MTHFD1L: variants seen among roughly 807,000 people sequenced by gnomAD.
MTHFD1L encodes the protein methylenetetrahydrofolate dehydrogenase (NADP+ dependent) 1 like, also known as monofunctional C1-tetrahydrofolate synthase, mitochondrial.
A neutral mutation model predicts 119.5 loss-of-function variants in MTHFD1L; 81 were observed. That is an observed-to-expected ratio of 0.68 (90% CI 0.57 to 0.82). The LOEUF is 0.82. Ranked by LOEUF, MTHFD1L falls within the 40% of genes least tolerant of loss-of-function variation. The pLI, the probability that MTHFD1L is intolerant of heterozygous loss-of-function variation, is 0.00. For synonymous variants in MTHFD1L, 430 were observed against 475.2 expected (o/e 0.90, Z 1.24); for missense variants, 1,125 against 1,253.4 (o/e 0.90, Z 1.55).
At chr6:150,995,502 G>A (rs1205237724) in intron 20 of MTHFD1L, among the ~76,000 whole-genome samples, 3 of 111,170 alleles carry the variant, frequency 2.7e-5, no homozygotes, top group Admixed American at 2.0e-4. Context: ...CAACAAGAGC[G>A]AAACTCCGTC....
intron 8 of MTHFD1L, among the ~76,000 whole-genome samples, chr6:150,914,965 G>A (rs898543930): frequency 6.6e-6 from 1 of 152,146 alleles, no homozygotes; most frequent in South Asian, 2.1e-4. Flanking sequence ...TAACTCTTAC[G>A]GACTTACTTG....
intron 24 of MTHFD1L, among the ~76,000 whole-genome samples, chr6:151,022,674 G>T (rs958759872): frequency 6.6e-6 from 1 of 152,050 alleles, no homozygotes; most frequent in Admixed American, 6.5e-5. Context: ...ACCTCCCCCG[G>T]CTCTCCCTCC....
chr6:151,029,198 A>G (rs1784995733), intron 24 of MTHFD1L, among the ~76,000 whole-genome samples: 1 of 151,946 alleles, frequency 6.6e-6, no homozygotes, highest in South Asian at 2.1e-4. Flanking sequence ...AGGCAGGCAG[A>G]TCACCTGAGG....
chr6:150,988,616 C>T (rs1228235978), intron 20 of MTHFD1L, among the ~76,000 whole-genome samples: 3 of 131,206 alleles, frequency 2.3e-5, no homozygotes, highest in Admixed American at 8.1e-5. Context: ...GTGGGGGGGG[C>T]GGGAGCGGGG....
intron 20 of MTHFD1L, among the ~76,000 whole-genome samples, chr6:150,973,158 T>A (rs772833822): frequency 3.3e-5 from 5 of 152,246 alleles, no homozygotes; most frequent in African/African-American, 1.2e-4. Flanking sequence ...TTCACTCTTA[T>A]CATCAGCTTT....
chr6:150,961,561 A>G (rs1191868805), intron 18 of MTHFD1L, among the ~76,000 whole-genome samples: 3 of 152,380 alleles, frequency 2.0e-5, no homozygotes, highest in Admixed American at 6.5e-5. Context: ...CTTAAAATGC[A>G]CACTGGTGAT....
intron 24 of MTHFD1L, among the ~76,000 whole-genome samples, chr6:151,018,458 CTCTT>C (rs1268164221): frequency 6.6e-6 from 1 of 152,182 alleles, no homozygotes; most frequent in Non-Finnish European, 1.5e-5. Context: ...ACATGTTCAC[CTCTT>C]TGGTCCTAAC....
intron 26 of MTHFD1L, among the ~76,000 whole-genome samples, chr6:151,060,492 C>T (rs535918847): frequency 3.3e-5 from 5 of 152,288 alleles, no homozygotes; most frequent in African/African-American, 1.2e-4. Flanking sequence ...AAAGAGCTGA[C>T]GTCTGGGACA....
intron 27 of MTHFD1L, chr6:151,100,038 T>C: frequency 5.5e-6 from 3 of 549,100 alleles, no homozygotes; most frequent in Admixed American, 3.4e-5. Flanking sequence ...TCTTTTCTTT[T>C]TTTTTTTTTT....
At chr6:151,084,033 T>A (rs1345361026) in intron 26 of MTHFD1L, among the ~76,000 whole-genome samples, 2 of 152,162 alleles carry the variant, frequency 1.3e-5, no homozygotes, top group African/African-American at 4.8e-5. Context: ...AAGTTATAAA[T>A]GAGGTCCCGA....
intron 20 of MTHFD1L, among the ~76,000 whole-genome samples, chr6:150,984,591 GATAA>G (rs1212931267): frequency 1.4e-5 from 2 of 146,408 alleles, no homozygotes; most frequent in Non-Finnish European, 3.0e-5. Flanking sequence ...AAAAAAGGAA[GATAA>G]ATAAAGTAAA....
chr6:150,968,514 T>C (rs1471466092), intron 19 of MTHFD1L, among the ~76,000 whole-genome samples: 1 of 152,198 alleles, frequency 6.6e-6, no homozygotes, highest in Non-Finnish European at 1.5e-5. Context: ...TGTTTTGTTT[T>C]GTTTTGTTTT....
chr6:151,017,830 CTTTT>C (rs895364993), intron 24 of MTHFD1L, among the ~76,000 whole-genome samples: 1 of 98,980 alleles, frequency 1.0e-5, no homozygotes, highest in Admixed American at 1.1e-4. Context: ...ACCGTGTTTT[CTTTT>C]TTTTTTTTTT....
At chr6:151,029,034 G>A (rs1273425807) in intron 24 of MTHFD1L, among the ~76,000 whole-genome samples, 4 of 152,100 alleles carry the variant, frequency 2.6e-5, no homozygotes, top group African/African-American at 4.8e-5. Context: ...TCACATCACC[G>A]AACTCCAGAA....
chr6:150,935,096 G>A (rs148869633), intron 11 of MTHFD1L: 2 of 1,613,816 alleles, frequency 1.2e-6, no homozygotes, highest in Non-Finnish European at 1.7e-6. Flanking sequence ...GCAGTTCAAT[G>A]AATTTGTAAA....
intron 20 of MTHFD1L, among the ~76,000 whole-genome samples, chr6:151,005,341 A>G (rs531142240): frequency 1.3e-5 from 2 of 152,198 alleles, no homozygotes; most frequent in South Asian, 2.1e-4. Context: ...TACCTTTTCC[A>G]TGTTCTGTTT....
chr6:151,062,788 T>G (rs1364899582), intron 26 of MTHFD1L, among the ~76,000 whole-genome samples: 1 of 152,168 alleles, frequency 6.6e-6, no homozygotes, highest in African/African-American at 2.4e-5. Context: ...GATTTCATTC[T>G]TGGATGGCCT....
chr6:151,039,125 C>T lies in MTHFD1L; in HGVS notation c.2847+2008C>T, dbSNP rs1011483017. On this transcript the variant is annotated intron_variant, in intron 26 of 27. Coordinates refer to ENST00000367321, the MANE Select transcript of MTHFD1L (RefSeq NM_015440.5). The surrounding 1 kb of genome is among the most constrained non-coding windows in gnomAD (Gnocchi z 4.4). ...AAGGAAGACACCCCTGAAACACCCA[C>T]GTTAATGCAGCCGACTCCTAGCAGG... is the stretch of plus-strand genomic sequence containing the variant. Among the ~76,000 whole-genome samples the T allele has an allele frequency of 5.3e-5, 8 of 152,250 alleles. No homozygotes were observed. The highest frequency in any genetic ancestry group is 4.1e-4 in the South Asian group (2 of 4,822).
At chr6:150,980,139 A>G (rs565959123) in intron 20 of MTHFD1L, among the ~76,000 whole-genome samples, 1 of 152,288 alleles carries the variant, frequency 6.6e-6, no homozygotes, top group African/African-American at 2.4e-5. Context: ...AAATTTATTC[A>G]TAATTAAATC....
Sources: allele counts gnomAD v4.1 joint callset (sites outside exome capture counted in the v4.1 genomes callset), GRCh38; gene constraint gnomAD v4.1.1; non-coding constraint Gnocchi (gnomAD v3.1); transcripts MANE v1.5; gene names NCBI Gene and HGNC (gene_info 2026-07-23, HGNC 2026-07-21).